FAM186A: variants seen among roughly 807,000 people sequenced by gnomAD.
The protein encoded by FAM186A is protein FAM186A.
Under a neutral mutation model 216.8 loss-of-function variants are expected in FAM186A, and 163 were observed. The observed-to-expected ratio is 0.75, with a 90% confidence interval of 0.66 to 0.86. The LOEUF is 0.86. FAM186A is among the 40% of genes least tolerant of loss of function. The pLI is 0.00. For synonymous variants in FAM186A, 805 were observed against 1,025.3 expected (o/e 0.79, Z 4.10); for missense variants, 2,184 against 2,746.2 (o/e 0.80, Z 4.58).
At chr12:50,371,794 T>C (rs1367979441) in intron 1 of FAM186A, among the ~76,000 whole-genome samples, 1 of 152,092 alleles carries the variant, frequency 6.6e-6, no homozygotes, top group Non-Finnish European at 1.5e-5. Flanking sequence ...AGGCAGTAAA[T>C]TTTATGTATA....
intron 3 of FAM186A, among the ~76,000 whole-genome samples, chr12:50,359,345 C>G (rs1322716330): frequency 1.3e-4 from 20 of 152,068 alleles, no homozygotes. Flanking sequence ...TTGCAGTGAG[C>G]TGAGATCACA....
intron 1 of FAM186A, among the ~76,000 whole-genome samples, chr12:50,381,627 G>A (rs1420411314): frequency 6.6e-6 from 1 of 152,112 alleles, no homozygotes; most frequent in African/African-American, 2.4e-5. Context: ...AAAAAGAACA[G>A]GAGCAGCTAT....
intron 7 of FAM186A, among the ~76,000 whole-genome samples, chr12:50,329,464 C>T (rs190149342): frequency 2.3e-4 from 35 of 152,184 alleles, no homozygotes; most frequent in Non-Finnish European, 3.5e-4. Flanking sequence ...TCCATAAACT[C>T]GTGCTCATGA....
chr12:50,352,201 G>C lies in FAM186A; in HGVS notation c.4631C>G (p.Thr1544Ser). The change falls in exon 4 of 8, where the codon ACC becomes AGC. Residue 1544 changes from threonine (T) to serine (S), a missense_variant. Around this residue, in one of 7 missense-constraint regions of FAM186A, gnomAD observed 19 missense variants for 22.4 expected, o/e 0.85. Transcript: ENST00000327337. ...CCCCAGGGCCTGGACCTGCTGAGGG[G>C]TGAGAGGGATCCCCAATTCCTGAGC... is the stretch of plus-strand genomic sequence containing the variant. ...PQAQELGIPL[T>S]PQQVQALGIP... is the part of the protein sequence containing the mutation. 1.3e-6 allele frequency: 2 copies of C among 1,525,776 alleles called. No individual in the cohort carries two copies. Among genetic ancestry groups the C allele is most frequent in the Non-Finnish European group, 1.8e-6 (2 of 1,136,950 alleles). 94.5% of individuals were successfully genotyped at this position (1,525,776 alleles called of 1,614,324 possible).
At chr12:50,364,843 G>A (rs1314274398) in intron 1 of FAM186A, among the ~76,000 whole-genome samples, 1 of 151,644 alleles carries the variant, frequency 6.6e-6, no homozygotes, top group Non-Finnish European at 1.5e-5. Flanking sequence ...TTCGAGACCA[G>A]CCTGGCCAGC....
chr12:50,396,343 T>C lies in FAM186A; in HGVS notation c.142A>G (p.Lys48Glu), dbSNP rs1943412859. 3 of 1,551,526 alleles carry C rather than the reference T, an allele frequency of 1.9e-6. No homozygotes were observed. Among genetic ancestry groups the C allele is most frequent in the African/African-American group, 2.7e-5 (2 of 73,034 alleles). ...CGCTCAATCCTAGAGATGATATCCT[T>C]TACTGAGAATGGGATCTCAAGGTTA... is the stretch of plus-strand genomic sequence containing the variant. ...LPNLEIPFSV[K>E]DIISRIERAQ... Residue 48 changes from lysine to glutamate, a missense_variant, in exon 1 of 8, where the codon AAG becomes GAG. Physicochemically the swap from Lys to Glu is moderately conservative, Grantham distance 56 (BLOSUM62 1). This residue lies in a region of FAM186A where 1,132 missense variants were observed against 1,263.4 expected (regional missense o/e 0.90). Coordinates refer to ENST00000327337, the MANE Select transcript of FAM186A (RefSeq NM_001145475.3).
chr12:50,372,784 C>T (rs1463824787), intron 1 of FAM186A, among the ~76,000 whole-genome samples: 3 of 150,534 alleles, frequency 2.0e-5, no homozygotes, highest in African/African-American at 7.3e-5. Flanking sequence ...TGACTGTAAT[C>T]CCAGGTACTT....
rs1316239527 is a variant in FAM186A at position 50,353,139 on chromosome 12, T to C, written c.3693A>G (p.Leu1231=). The C allele has an allele frequency of 7.9e-7, 1 of 1,269,396 alleles. No homozygotes were observed. The highest frequency in any genetic ancestry group is 1.0e-6 in the Non-Finnish European group (1 of 994,052). 78.6% of individuals were successfully genotyped at this position (1,269,396 alleles called of 1,614,324 possible). A position where few individuals can be genotyped will look rare whatever the true frequency, so the allele number is the denominator to read the frequency against. ...PQQAQALGIT[L]TLQQAQQLGI... Reference sequence around the variant, plus strand: ...CCAATTGCTGGGCCTGCTGAAGGGTTAGAGTGATCCCCAGGGCCTGGGCCT... The same window carrying C: ...CCAATTGCTGGGCCTGCTGAAGGGTCAGAGTGATCCCCAGGGCCTGGGCCT... The change falls in exon 4 of 8, where the codon CTA becomes CTG. Residue 1231 remains leucine (L), a synonymous_variant. Transcript: ENST00000327337.
In FAM186A at chr12:50,350,339, G is replaced by A. The variant is rs1159831029; in HGVS notation, c.6493C>T (p.Gln2165Ter). Residue 2165 changes from glutamine (Q) to a stop codon, truncating the protein, a stop_gained, in exon 4 of 8, where the codon CAG (glutamine) becomes TAG (stop). Coordinates refer to ENST00000327337, the MANE Select transcript of FAM186A (RefSeq NM_001145475.3). LOFTEE classifies it high-confidence loss of function. ...AATAATTATATCTACCTGGCATGCT[G>A]GATCAGCCTATAGGCAATGTACTTG... ...FRKYIAYRLI[Q>*]HARNNIMKRL... is the part of the protein sequence containing the mutation. 7 of 1,535,034 alleles carry A rather than the reference G, an allele frequency of 4.6e-6. No individual in the cohort carries two copies. Among genetic ancestry groups the A allele is most frequent in the South Asian group, 1.2e-5 (1 of 81,116 alleles).
intron 1 of FAM186A, 59 bp from the exon 2 acceptor site, chr12:50,363,423 T>C: frequency 7.2e-7 from 1 of 1,389,240 alleles, no homozygotes; most frequent in Non-Finnish European, 9.8e-7. Context: ...GCTTTGGTCA[T>C]CTTTCTTCTC....
intron 4 of FAM186A, among the ~76,000 whole-genome samples, chr12:50,335,638 C>G (rs1164662743): frequency 6.7e-6 from 1 of 149,808 alleles, no homozygotes; most frequent in Non-Finnish European, 1.5e-5. Context: ...AGTGTGAGAT[C>G]CTATCTCAAA....
chr12:50,355,663 T>C lies in FAM186A; in HGVS notation c.1169A>G (p.Gln390Arg). Residue 390 changes from glutamine to arginine, a missense_variant, in exon 4 of 8, where the codon CAA becomes CGA. Coordinates refer to ENST00000327337, the MANE Select transcript of FAM186A (RefSeq NM_001145475.3). The stretch of plus-strand genomic sequence containing the variant: ...CCCAGAGTCCTTGGTCTCTTTTCTT[T>C]GGACTTCATCTACAATATTTTCAAG... The part of the protein sequence containing the change: ...KELENIVDEV[Q>R]RKETKDSGIK... 6.4e-7 allele frequency: 1 copy of C among 1,551,002 alleles called. No individual in the cohort carries two copies. The highest frequency in any genetic ancestry group is 8.7e-7 in the Non-Finnish European group (1 of 1,146,882).
intron 7 of FAM186A, 77 bp downstream of exon 7, chr12:50,330,496 G>A: frequency 6.9e-7 from 1 of 1,443,294 alleles, no homozygotes; most frequent in Non-Finnish European, 9.4e-7. Flanking sequence ...GGTGCTACAG[G>A]AGAAAGTCAA....
intron 3 of FAM186A, among the ~76,000 whole-genome samples, chr12:50,356,449 T>G (rs1942978317): frequency 6.6e-6 from 1 of 152,144 alleles, no homozygotes; most frequent in Admixed American, 6.5e-5. Context: ...ACCTAGAAGT[T>G]TTTCTTTCTT....
intron 7 of FAM186A, 92 bp from the exon 8 acceptor site, chr12:50,327,496 C>T (rs1942616997): frequency 6.7e-6 from 6 of 890,380 alleles, no homozygotes; most frequent in South Asian, 1.6e-5. Flanking sequence ...ATAAAAGTGC[C>T]TCCAGAACTC....
At chr12:50,366,088 A>G (rs1176973691) in intron 1 of FAM186A, 11 of 700,822 alleles carry the variant, frequency 1.6e-5, no homozygotes, top group African/African-American at 5.3e-5. Flanking sequence ...ATGTAGGAAT[A>G]AAGTAATCTT....
rs1185940984 is a variant in FAM186A at position 50,378,539 on chromosome 12, A to T, written c.193-15175T>A. 5.9e-5 allele frequency among the ~76,000 whole-genome samples: 7 copies of T among 119,306 alleles called. No individual in the cohort carries two copies. The Admixed American group carries it at 7.9e-4, about 13-fold the overall frequency. The allele number at this position is 119,306 out of a possible 152,430, so 78.3% of individuals were successfully genotyped here. A position where few individuals can be genotyped will look rare whatever the true frequency, so the allele number is the denominator to read the frequency against. Reference sequence around the variant, plus strand: ...AGTGAGACTCCATCTCAAAATATATATATACATATATGTAAATTGTATATA... The same window carrying T: ...AGTGAGACTCCATCTCAAAATATATTTATACATATATGTAAATTGTATATA... On this transcript the variant is annotated intron_variant, in intron 1 of 7. Coordinates refer to ENST00000327337, the MANE Select transcript of FAM186A (RefSeq NM_001145475.3).
At position 50,355,533 on chromosome 12, in the gene FAM186A, G is replaced by A; in HGVS notation, c.1299C>T (p.Asp433=). 1 of 1,551,442 alleles carries A rather than the reference G, an allele frequency of 6.4e-7. No individual in the cohort carries two copies. The highest frequency in any genetic ancestry group is 8.7e-7 in the Non-Finnish European group (1 of 1,146,954). The change falls in exon 4 of 8, where the codon GAC becomes GAT. Residue 433 remains aspartate (D), a synonymous_variant. Transcript: ENST00000327337. ...TCAATGATACGTTATCTTTAGTGCT[G>A]TCTTCGGAAATATCTTCAGAAGCAA... ...QPVASEDISE[D]STKDNVSLKK...
intron 1 of FAM186A, among the ~76,000 whole-genome samples, chr12:50,364,880 A>G (rs1331645012): frequency 1.3e-5 from 2 of 151,910 alleles, no homozygotes; most frequent in African/African-American, 4.8e-5. Flanking sequence ...TTTACTAAAA[A>G]TACAAAAAAT....
Sources: allele counts gnomAD v4.1 joint callset (sites outside exome capture counted in the v4.1 genomes callset), GRCh38; gene constraint gnomAD v4.1.1; regional missense constraint gnomAD v4.1.1; transcripts MANE v1.5; gene names NCBI Gene and HGNC (gene_info 2026-07-23, HGNC 2026-07-21).